The following DISC1 variants were observed in gnomAD, a reference collection of about 807,000 sequenced individuals.
DISC1 encodes the protein DISC1 scaffold protein.
In DISC1, 57 loss-of-function variants were observed where a neutral mutation model predicts 84.5. The observed-to-expected ratio is 0.67, with a 90% CI of 0.55 to 0.84. The LOEUF (loss-of-function observed/expected upper bound fraction) is 0.84, where lower values mean the gene tolerates loss of function less well. DISC1 is among the 40% of genes least tolerant of loss of function. The pLI is 0.00. For synonymous variants in DISC1, 411 were observed against 415.2 expected (o/e 0.99, Z 0.12); for missense variants, 1,000 against 1,057.8 (o/e 0.95, Z 0.76).
At chr1:231,915,363 A>T (rs183106399) in intron 9 of DISC1, among the ~76,000 whole-genome samples, 5 of 152,296 alleles carry the variant, frequency 3.3e-5, no homozygotes, top group Admixed American at 3.3e-4. Flanking sequence ...GGGACATCTG[A>T]ATGTTGTCCC....
At chr1:231,909,655 A>G (rs1207701643) in intron 9 of DISC1, among the ~76,000 whole-genome samples, 2 of 152,166 alleles carry the variant, frequency 1.3e-5, no homozygotes, top group African/African-American at 4.8e-5. Flanking sequence ...TGTCTCTGCC[A>G]GGCTTTGGTA....
chr1:231,690,112 G>A (rs1317928257), intron 1 of DISC1, among the ~76,000 whole-genome samples: 2 of 152,130 alleles, frequency 1.3e-5, no homozygotes, highest in African/African-American at 4.8e-5. Flanking sequence ...TTTGGACTGT[G>A]TATAGAGACC....
intron 12 of DISC1, among the ~76,000 whole-genome samples, chr1:232,035,094 C>T (rs1417983961): frequency 1.3e-5 from 2 of 152,124 alleles, no homozygotes; most frequent in African/African-American, 4.8e-5. Flanking sequence ...GGTGGTTCAG[C>T]ACGTTTGCTT....
intron 11 of DISC1, among the ~76,000 whole-genome samples, chr1:232,010,754 G>A (rs1667950733): frequency 1.3e-5 from 2 of 152,152 alleles, no homozygotes; most frequent in South Asian, 4.1e-4. Flanking sequence ...AGTATAATTG[G>A]ACAAAAGGAG....
intron 9 of DISC1, among the ~76,000 whole-genome samples, chr1:231,904,501 T>C (rs990408673): frequency 1.3e-5 from 2 of 152,066 alleles, no homozygotes; most frequent in East Asian, 3.9e-4. Context: ...GGGACAAAAC[T>C]AGAAGGAACC....
intron 10 of DISC1, among the ~76,000 whole-genome samples, chr1:231,990,994 G>A (rs1665128411): frequency 1.3e-5 from 2 of 152,216 alleles, no homozygotes; most frequent in South Asian, 4.1e-4. Context: ...AGTTCTCATG[G>A]TAAGCCATCA....
At chr1:231,863,380 G>GC (rs915125705) in intron 9 of DISC1, among the ~76,000 whole-genome samples, 1 of 151,504 alleles carries the variant, frequency 6.6e-6, no homozygotes, top group Admixed American at 6.6e-5. Context: ...GCAGGTACCC[G>GC]CCACCATGCC....
chr1:231,749,352 C>G (rs768267275), intron 3 of DISC1, among the ~76,000 whole-genome samples: 2 of 152,298 alleles, frequency 1.3e-5, no homozygotes, highest in Admixed American at 1.3e-4. Flanking sequence ...TACACAGATT[C>G]TATATTTATA....
chr1:232,017,686 A>G (rs987547700), intron 11 of DISC1, among the ~76,000 whole-genome samples: 2 of 152,126 alleles, frequency 1.3e-5, no homozygotes, highest in Non-Finnish European at 2.9e-5. Context: ...AGCTACAGGT[A>G]CTAACCCCTC....
chr1:231,640,465 T>G (rs971967753), intron 1 of DISC1, among the ~76,000 whole-genome samples: 7 of 141,772 alleles, frequency 4.9e-5, no homozygotes, highest in Middle Eastern at 7.1e-3. Flanking sequence ...AGCAGTATGC[T>G]CTGAGTGGGA....
intron 1 of DISC1, among the ~76,000 whole-genome samples, chr1:231,688,224 A>C (rs186866483): frequency 6.6e-6 from 1 of 151,130 alleles, no homozygotes; most frequent in East Asian, 1.9e-4. Flanking sequence ...GTATGTACAA[A>C]TGTGTGTGTG....
At chr1:232,026,633 C>G (rs1244994448) in intron 12 of DISC1, 81 bp downstream of exon 12, 1 of 941,102 alleles carries the variant, frequency 1.1e-6, no homozygotes, top group Non-Finnish European at 1.7e-6. Flanking sequence ...TTTCATGCCT[C>G]AGAAGATGGC....
At chr1:231,800,233 T>C (rs1423620816) in intron 8 of DISC1, 23 bp downstream of exon 8, 4 of 1,572,552 alleles carry the variant, frequency 2.5e-6, no homozygotes, top group East Asian at 2.2e-5. Flanking sequence ...GTAGGAGACG[T>C]TGAAGCTATC....
intron 3 of DISC1, among the ~76,000 whole-genome samples, chr1:231,713,749 G>GATAT (rs1055850789): frequency 1.4e-5 from 1 of 71,294 alleles, no homozygotes; most frequent in African/African-American, 4.0e-5. Context: ...ATATATAGGA[G>GATAT]ATATATATAT....
chr1:231,921,348 A>G (rs2089997332), intron 9 of DISC1, among the ~76,000 whole-genome samples: 1 of 152,176 alleles, frequency 6.6e-6, no homozygotes, highest in Admixed American at 6.5e-5. Context: ...TGGGCACCAT[A>G]ACATCTACAT....
chr1:231,638,164 C>G (rs574790803), intron 1 of DISC1, among the ~76,000 whole-genome samples: 1 of 152,234 alleles, frequency 6.6e-6, no homozygotes, highest in Non-Finnish European at 1.5e-5. Context: ...ATGTCCTTTT[C>G]ACACTTTTTA....
intron 4 of DISC1, among the ~76,000 whole-genome samples, chr1:231,753,552 G>C (rs2074829568): frequency 6.6e-6 from 1 of 152,214 alleles, no homozygotes; most frequent in African/African-American, 2.4e-5. Context: ...GCCTATGAGG[G>C]GAGGGGCTGC....
intron 9 of DISC1, among the ~76,000 whole-genome samples, chr1:231,843,462 GA>G (rs1026395956): frequency 3.9e-5 from 6 of 152,036 alleles, no homozygotes; most frequent in Admixed American, 3.9e-4. Flanking sequence ...TTGGGGGGAT[GA>G]AAAAAAGGCC....
chr1:231,716,479 G>A (rs1051887342), intron 3 of DISC1, among the ~76,000 whole-genome samples: 1 of 151,914 alleles, frequency 6.6e-6, no homozygotes, highest in Non-Finnish European at 1.5e-5. Flanking sequence ...AGAATCTCTC[G>A]TTTTCTGCCT....
Sources: allele counts gnomAD v4.1 joint callset (sites outside exome capture counted in the v4.1 genomes callset), GRCh38; gene constraint gnomAD v4.1.1; transcripts MANE v1.5; gene names NCBI Gene and HGNC (gene_info 2026-07-23, HGNC 2026-07-21).